KCNT2: variants seen among roughly 807,000 people sequenced by gnomAD.
KCNT2 encodes the protein potassium sodium-activated channel subfamily T member 2.
Under a neutral mutation model 153.8 loss-of-function variants are expected in KCNT2, and 67 were observed. That is an observed-to-expected ratio of 0.44 (90% CI 0.36 to 0.53). KCNT2 has a LOEUF of 0.53. KCNT2 is among the 20% of genes least tolerant of loss of function. The probability of loss-of-function intolerance (pLI) is 0.00; values close to 1 mark genes in which losing one functional copy is unlikely to be tolerated. For missense variants in KCNT2, 975 were observed against 1,354.8 expected (o/e 0.72, Z 4.40); for synonymous variants, 500 against 458.8 (o/e 1.09, Z -1.15).
In KCNT2 at chr1:196,600,717, T is replaced by G. The variant is rs575599751; in HGVS notation, c.95+7498A>C. On this transcript the variant is annotated intron_variant, in intron 1 of 27. Coordinates refer to ENST00000294725, the MANE Select transcript of KCNT2 (RefSeq NM_198503.5). ...ATTTAATTGCAAGAGTAAAACAGTATCTATGCTCAATATTGACAATTTGTT... is the reference window on the plus strand; with the variant it reads ...ATTTAATTGCAAGAGTAAAACAGTAGCTATGCTCAATATTGACAATTTGTT... Among the ~76,000 whole-genome samples the G allele has an allele frequency of 5.3e-5, 8 of 152,296 alleles. No individual in the cohort carries two copies. In the East Asian group the frequency reaches 1.5e-3, roughly 29 times the overall value.
chr1:196,601,461 C>A (rs1049077234), intron 1 of KCNT2, among the ~76,000 whole-genome samples: 1 of 152,166 alleles, frequency 6.6e-6, no homozygotes, highest in African/African-American at 2.4e-5. Context: ...GCTTAGTGTG[C>A]TTCTTGATAA....
chr1:196,455,798 G>C (rs1183597729), intron 8 of KCNT2, among the ~76,000 whole-genome samples: 6 of 151,924 alleles, frequency 3.9e-5, no homozygotes, highest in African/African-American at 1.4e-4. Context: ...TTTGCTCCTG[G>C]GGGCCAGCAG....
intron 26 of KCNT2, among the ~76,000 whole-genome samples, chr1:196,244,292 A>G (rs1655225703): frequency 6.6e-6 from 1 of 152,078 alleles, no homozygotes; most frequent in Non-Finnish European, 1.5e-5. Flanking sequence ...ATAGCAAGAG[A>G]TTCCTTATGC....
rs1240881278 is a variant in KCNT2, at chr1:196,292,802, ACT to A, written c.2596-7046_2596-7045del. Among the ~76,000 whole-genome samples the A allele has an allele frequency of 5.2e-5, 6 of 116,030 alleles. No individual in the cohort carries two copies. The East Asian group carries it at 1.6e-3, about 30-fold the overall frequency. 76.1% of individuals were successfully genotyped at this position (116,030 alleles called of 152,430 possible). ...ACTCCAGCCTGGGCGACAGAGTGAGACTCTGTCTCAAAAAAAAAAAAAAAAAA... is the reference window on the plus strand; with the variant it reads ...ACTCCAGCCTGGGCGACAGAGTGAGACTGTCTCAAAAAAAAAAAAAAAAAA... On this transcript the variant is annotated intron_variant, in intron 22 of 27. Coordinates refer to ENST00000294725, the MANE Select transcript of KCNT2 (RefSeq NM_198503.5).
At chr1:196,421,973 C>T (rs575936963) in intron 12 of KCNT2, among the ~76,000 whole-genome samples, 2 of 151,968 alleles carry the variant, frequency 1.3e-5, no homozygotes, top group Non-Finnish European at 2.9e-5. Context: ...TTAGCGCCTA[C>T]CCTAATGGTC....
chr1:196,403,517 T>C (rs1417698184), intron 12 of KCNT2, among the ~76,000 whole-genome samples: 1 of 151,600 alleles, frequency 6.6e-6, no homozygotes, highest in African/African-American at 2.4e-5. Context: ...CCACAGAATA[T>C]ACAATATAAA....
intron 12 of KCNT2, among the ~76,000 whole-genome samples, chr1:196,408,579 C>G (rs1672026368): frequency 6.6e-6 from 1 of 151,584 alleles, no homozygotes; most frequent in Non-Finnish European, 1.5e-5. Context: ...GGTAAAGCTG[C>G]ATTCCATACA....
At position 196,236,080 on chromosome 1, in the gene KCNT2, A is replaced by ATTTTT. The variant is rs751133808; in HGVS notation, c.3212-11_3212-10insAAAAA. On this transcript the variant is annotated splice_polypyrimidine_tract_variant and intron_variant, in intron 26 of 27. Coordinates refer to ENST00000294725, the MANE Select transcript of KCNT2 (RefSeq NM_198503.5). ...TGATCATTCATTTCATCTAGAAGATAAATAAATGCCAAGTTTGTTATACTG... is the reference window on the plus strand; with the variant it reads ...TGATCATTCATTTCATCTAGAAGATATTTTTAATAAATGCCAAGTTTGTTATACTG... 6.8e-7 allele frequency: 1 copy of ATTTTT among 1,470,408 alleles called. No homozygotes were observed. Among genetic ancestry groups the ATTTTT allele is most frequent in the Admixed American group, 1.7e-5 (1 of 59,560 alleles). 91.1% of individuals were successfully genotyped at this position (1,470,408 alleles called of 1,614,324 possible).
Position 196,425,954 on chromosome 1 carries a change from A to G in KCNT2, c.1019T>C (p.Met340Thr). ...CAGTACCCTTCGAACCTGTACATCC[A>G]TTTCAGTAGGACACAAAATCACCAC... ...YYVVILCPTE[M>T]DVQVRRVLQI... The change falls in exon 11 of 28, where the codon ATG becomes ACG. Residue 340 changes from methionine (M) to threonine (T), a missense_variant. Physicochemically the swap from Met to Thr is moderately conservative, Grantham distance 81. Transcript: ENST00000294725. 6.2e-7 allele frequency: 1 copy of G among 1,612,270 alleles called. No individual in the cohort carries two copies. Among genetic ancestry groups the G allele is most frequent in the Non-Finnish European group, 8.5e-7 (1 of 1,178,862 alleles).
intron 18 of KCNT2, among the ~76,000 whole-genome samples, chr1:196,328,928 A>G (rs779338175): frequency 7.2e-5 from 11 of 152,176 alleles, no homozygotes; most frequent in African/African-American, 2.4e-4. Flanking sequence ...CTGAAGTAAT[A>G]TAAGAAATAA....
chr1:196,504,901 T>G (rs1323460307), intron 1 of KCNT2, among the ~76,000 whole-genome samples: 1 of 152,254 alleles, frequency 6.6e-6, no homozygotes, highest in African/African-American at 2.4e-5. Flanking sequence ...AAGCATCTGT[T>G]CATGTCCTTT....
At chr1:196,284,184 T>G (rs1316294891) in intron 23 of KCNT2, among the ~76,000 whole-genome samples, 4 of 129,298 alleles carry the variant, frequency 3.1e-5, no homozygotes, top group Non-Finnish European at 6.4e-5. Flanking sequence ...TGAGCCGAGA[T>G]CGCACCACCG....
At chr1:196,447,389 A>G (rs946117574) in intron 8 of KCNT2, among the ~76,000 whole-genome samples, 3 of 151,652 alleles carry the variant, frequency 2.0e-5, no homozygotes, top group African/African-American at 7.2e-5. Context: ...AAGGAATCAG[A>G]AACATTTAGT....
intron 1 of KCNT2, among the ~76,000 whole-genome samples, chr1:196,570,100 T>TAAAAAAAAAAAAAAAAAAAAAAAAAA (rs1553256605): frequency 7.7e-6 from 1 of 129,538 alleles, no homozygotes; most frequent in African/African-American, 3.9e-5. Context: ...AAAAAAAAAT[T>TAAAAAAAAAAAAAAAAAAAAAAAAAA]AAAGGCCTTT....
intron 8 of KCNT2, among the ~76,000 whole-genome samples, chr1:196,430,415 T>C (rs1282040945): frequency 6.6e-6 from 1 of 151,782 alleles, no homozygotes; most frequent in Non-Finnish European, 1.5e-5. Context: ...TCTTTCTCTC[T>C]CTCTTTCTCT....
At chr1:196,531,559 C>G (rs1313127460) in intron 1 of KCNT2, among the ~76,000 whole-genome samples, 2 of 152,062 alleles carry the variant, frequency 1.3e-5, no homozygotes, top group Non-Finnish European at 2.9e-5. Flanking sequence ...CAAAGCTTCT[C>G]CATATTTTGG....
At chr1:196,601,827 T>C (rs563780795) in intron 1 of KCNT2, among the ~76,000 whole-genome samples, 8 of 152,322 alleles carry the variant, frequency 5.3e-5, no homozygotes, top group Admixed American at 5.2e-4. Context: ...AAAAGTCTTA[T>C]TTCTTTGGTA....
chr1:196,246,962 C>T (rs116119767), intron 26 of KCNT2, among the ~76,000 whole-genome samples: 2,578 of 152,086 alleles, frequency 0.017, 46 homozygotes, highest in Middle Eastern at 0.061. Context: ...TGTAAATTGA[C>T]TAAACCCTCC....
At chr1:196,253,195 T>C (rs1656140331) in intron 26 of KCNT2, among the ~76,000 whole-genome samples, 8 of 151,488 alleles carry the variant, frequency 5.3e-5, no homozygotes, top group African/African-American at 4.8e-5. Flanking sequence ...GTTACATTAG[T>C]TGATATTGTC....
Sources: gnomAD v4.1 joint callset for allele counts (sites outside exome capture counted in the v4.1 genomes callset) on GRCh38, gnomAD v4.1.1 for gene constraint, MANE v1.5 for transcripts, NCBI Gene and HGNC (gene_info 2026-07-23, HGNC 2026-07-21) for gene names.